The following KRT32 variants were observed in gnomAD, a reference collection of about 807,000 sequenced individuals.
KRT32 encodes the protein keratin 32.
A neutral mutation model predicts 41.8 loss-of-function variants in KRT32; 44 were observed. That is an observed-to-expected ratio of 1.05 (90% CI 0.83 to 1.35). KRT32 has a LOEUF of 1.35. KRT32 is among the 40% of genes most tolerant of loss of function. The pLI, the probability that KRT32 is intolerant of heterozygous loss-of-function variation, is 0.00. For missense variants in KRT32, 576 were observed against 584.6 expected (o/e 0.99, Z 0.15); for synonymous variants, 238 against 242.5 (o/e 0.98, Z 0.17).
chr17:41,465,704 C>A (rs888035367), intron 3 of KRT32, 69 bp downstream of exon 3: 1 of 1,528,746 alleles, frequency 6.5e-7, no homozygotes, highest in Non-Finnish European at 8.9e-7. Flanking sequence ...CCACGCCTAT[C>A]CAACCCCATA....
At position 41,462,992 on chromosome 17, in the gene KRT32, G is replaced by A. The variant is rs2019022650; in HGVS notation, c.1055C>T (p.Ala352Val). The change falls in exon 6 of 7, where the codon GCC becomes GTC. Residue 352 changes from alanine (A) to valine (V), a missense_variant. By Grantham distance (64) the Ala-to-Val change is moderately conservative (BLOSUM62 0). Transcript: ENST00000225899. ...GTTGGTGATCATGCACTGCATCTGG[G>A]CCAGCTGGGAGCTGTAGCGGGCCTC... Reference protein sequence around the residue: ...ESEARYSSQLAQMQCMITNVE... With the variant: ...ESEARYSSQLVQMQCMITNVE... 1 of 1,614,162 alleles carries A rather than the reference G, an allele frequency of 6.2e-7. No individual in the cohort carries two copies. Among genetic ancestry groups the A allele is most frequent in the Non-Finnish European group, 8.5e-7 (1 of 1,180,000 alleles).
chr17:41,460,346 T>C, intron 6 of KRT32, 107 bp from the exon 7 acceptor site: 2 of 1,374,386 alleles, frequency 1.5e-6, no homozygotes, highest in Admixed American at 4.1e-5. Context: ...CTTCCGTGCT[T>C]TCTCTGCCCA....
At chr17:41,466,769 G>T in intron 1 of KRT32, 89 bp downstream of exon 1, 1 of 960,000 alleles carries the variant, frequency 1.0e-6, no homozygotes, top group Non-Finnish European at 1.6e-6. Context: ...CCTGAACATA[G>T]CTTAATAAGC....
intron 5 of KRT32, 68 bp downstream of exon 5, chr17:41,464,010 G>A (rs11653427): frequency 0.36 from 492,826 of 1,357,102 alleles, 91,740 homozygotes; most frequent in Non-Finnish European, 0.37. Flanking sequence ...CTCTTTCCTG[G>A]GGACCTGCAC....
At position 41,466,974 on chromosome 17, in the gene KRT32, C is replaced by T. The variant is rs894764715; in HGVS notation, c.352G>A (p.Glu118Lys). The change falls in exon 1 of 7, where the codon GAG becomes AAG. Residue 118 changes from glutamate to lysine, a missense_variant. Transcript: ENST00000225899. ...CTCTCCAGCTCCGCATTCTCCTGCT[C>T]CAGCTGCCGCACCCTCGTCAGGTAG... ...ASYLTRVRQL[E>K]QENAELESRI... 14 of 1,614,100 alleles carry T rather than the reference C, an allele frequency of 8.7e-6. No individual in the cohort carries two copies. In the Middle Eastern group the frequency reaches 6.6e-4, roughly 76 times the overall value.
chr17:41,462,548 T>C (rs1257705353), intron 6 of KRT32, among the ~76,000 whole-genome samples: 1 of 152,212 alleles, frequency 6.6e-6, no homozygotes, highest in Admixed American at 6.5e-5. Context: ...ATGCCCTGTC[T>C]TCCTCTATCT....
chr17:41,460,382 T>G lies in KRT32; in HGVS notation c.1218-143A>C, dbSNP rs907391130. 51 of 1,082,132 alleles carry G rather than the reference T, an allele frequency of 4.7e-5. 1 individual carries two copies. Among genetic ancestry groups the G allele is most frequent in the Non-Finnish European group, 6.1e-5 (45 of 741,804 alleles). The allele number at this position is 1,082,132 out of a possible 1,614,324, so 67.0% of individuals were successfully genotyped here. ...GCCTCCCTGGTCCCAACCTCCGCCA[T>G]CTTTGCCTGAGTCACCTCATGGCCT... On this transcript the variant is annotated intron_variant, in intron 6 of 6. Transcript: ENST00000225899.
Position 41,464,262 on chromosome 17 carries a change from C to CCCCACCGTGAGAGG in KRT32, c.870+6_870+19dup, listed in dbSNP as rs779045478. 1.9e-6 allele frequency: 3 copies of CCCCACCGTGAGAGG among 1,585,828 alleles called. No homozygotes were observed. The highest frequency in any genetic ancestry group is 2.6e-6 in the Non-Finnish European group (3 of 1,164,986). ...TTCCTAGGGATATGGAGGAGGCCAT[C>CCCCACCGTGAGAGG]CCCACCGTGAGAGGCCCACCTGCAT... On this transcript the variant is annotated intron_variant, in intron 4 of 6. Coordinates refer to ENST00000225899, the MANE Select transcript of KRT32 (RefSeq NM_002278.3).
chr17:41,462,579 G>A (rs1192846587), intron 6 of KRT32, among the ~76,000 whole-genome samples: 3 of 152,196 alleles, frequency 2.0e-5, no homozygotes, highest in Non-Finnish European at 4.4e-5. Context: ...CATAGCACCT[G>A]CCCCATGGTG....
chr17:41,465,731 C>T (rs780499585), intron 3 of KRT32, 42 bp downstream of exon 3: 2 of 1,588,800 alleles, frequency 1.3e-6, no homozygotes, highest in Admixed American at 3.4e-5. Flanking sequence ...GTTCCTCCCC[C>T]TCTGCTTCCC....
intron 6 of KRT32, among the ~76,000 whole-genome samples, chr17:41,461,427 C>T (rs1049714432): frequency 3.3e-5 from 5 of 152,198 alleles, no homozygotes; most frequent in Non-Finnish European, 5.9e-5. Flanking sequence ...GGATGGAAAC[C>T]CAGTAGCTCA....
chr17:41,465,608 C>G (rs990623065), intron 3 of KRT32, among the ~76,000 whole-genome samples, 165 bp downstream of exon 3: 2 of 152,178 alleles, frequency 1.3e-5, no homozygotes, highest in Admixed American at 6.5e-5. Flanking sequence ...ATGTTGTCCC[C>G]ATTTTACAGA....
At chr17:41,460,306 A>G (rs1406167918) in intron 6 of KRT32, 67 bp from the exon 7 acceptor site, 3 of 1,533,602 alleles carry the variant, frequency 2.0e-6, no homozygotes, top group African/African-American at 1.4e-5. Context: ...GGTCCTGCCA[A>G]TTCTCCCCTC....
At chr17:41,466,732 C>A in intron 1 of KRT32, 126 bp downstream of exon 1, 2 of 670,636 alleles carry the variant, frequency 3.0e-6, no homozygotes, top group South Asian at 1.9e-5. Flanking sequence ...TATAAAATAA[C>A]CCTATGCCCT....
rs2019063037 is a variant in KRT32 at position 41,465,942 on chromosome 17, A to G, written c.552-13T>C. On this transcript the variant is annotated splice_polypyrimidine_tract_variant and intron_variant, in intron 2 of 6. Transcript: ENST00000225899. ...CTCTGCCTCGTACCTGCACAAGGAC[A>G]GGGTCAGCAACCAAGGGTGAAACAG... The G allele has an allele frequency of 6.2e-7, 1 of 1,609,448 alleles. No homozygotes were observed. The highest frequency in any genetic ancestry group is 1.3e-5 in the African/African-American group (1 of 74,822).
At chr17:41,466,496 C>T (rs1185063677) in intron 1 of KRT32, among the ~76,000 whole-genome samples, 1 of 152,234 alleles carries the variant, frequency 6.6e-6, no homozygotes, top group African/African-American at 2.4e-5. Context: ...TTACTGAAAA[C>T]TTACCGTGGA....
At chr17:41,464,888 A>G (rs997864057) in intron 3 of KRT32, among the ~76,000 whole-genome samples, 1 of 152,216 alleles carries the variant, frequency 6.6e-6, no homozygotes, top group African/African-American at 2.4e-5. Context: ...AGGATGTGTG[A>G]TAACTTCTCA....
rs1276044776 is a variant in KRT32 at position 41,464,203 on chromosome 17, T to C, written c.871A>G (p.Met291Val). The change falls in exon 5 of 7, where the codon ATG becomes GTG. Residue 291 changes from methionine (M) to valine (V), a missense_variant and splice_region_variant. Transcript: ENST00000225899. ...RDVEEWFNMQ[M>V]EELNQQVATS... ...GCCACCTGTTGGTTAAGCTCCTCCA[T>C]CTGCAGTTGGGGGAAGGAGAAGGCT... The C allele has an allele frequency of 6.2e-7, 1 of 1,601,698 alleles. No individual in the cohort carries two copies. The highest frequency in any genetic ancestry group is 2.2e-5 in the East Asian group (1 of 44,758).
At position 41,460,156 on chromosome 17, in the gene KRT32, C is replaced by T. The variant is rs139528234; in HGVS notation, c.1301G>A (p.Arg434His). 7.8e-5 allele frequency: 126 copies of T among 1,613,322 alleles called. No individual in the cohort carries two copies. Among genetic ancestry groups the T allele is most frequent in the Non-Finnish European group, 1.0e-4 (121 of 1,179,718 alleles). ...GGGTGAGCAAGGCATGCCAACAGTG[C>T]GTGGCACACAGACGGTGCGGGGCAC... is the stretch of plus-strand genomic sequence containing the variant. Reference protein sequence around the residue: ...PCVPRTVCVPRTVGMPCSPCP... With the variant: ...PCVPRTVCVPHTVGMPCSPCP... Residue 434 changes from arginine to histidine, a missense_variant, in exon 7 of 7, where the codon CGC becomes CAC. Transcript: ENST00000225899.
Sources: allele counts gnomAD v4.1 joint callset (sites outside exome capture counted in the v4.1 genomes callset), GRCh38; gene constraint gnomAD v4.1.1; transcripts MANE v1.5; gene names NCBI Gene and HGNC (gene_info 2026-07-23, HGNC 2026-07-21).